Variants in UBE2D2 observed in about 807,000 individuals in gnomAD.
UBE2D2 encodes ubiquitin conjugating enzyme E2 D2.
In UBE2D2, 2 loss-of-function variants were observed where a neutral mutation model predicts 24.2. The ratio of observed to expected loss-of-function variants is 0.08; its 90% CI spans 0.03 to 0.26. The LOEUF (loss-of-function observed/expected upper bound fraction) is 0.26, where lower values mean the gene tolerates loss of function less well. Among genes scored for constraint, UBE2D2 ranks in the 10% least tolerant of loss-of-function variants. The pLI is 1.00. For synonymous variants in UBE2D2, 58 were observed against 56.5 expected, an observed-to-expected ratio of 1.03 and a Z score of -0.12; for missense variants, 44 against 177.6, an observed-to-expected ratio of 0.25 and a Z score of 4.28.
intron 1 of UBE2D2, among the ~76,000 whole-genome samples, chr5:139,563,540 C>G (rs535083077): frequency 3.2e-4 from 49 of 152,290 alleles, no homozygotes; most frequent in Admixed American, 2.0e-3. Flanking sequence ...CTTATAGAAT[C>G]TAACTGGGAA....
chr5:139,608,491 A>G (rs1003157208), intron 2 of UBE2D2, among the ~76,000 whole-genome samples: 8 of 151,970 alleles, frequency 5.3e-5, no homozygotes, highest in Non-Finnish European at 8.8e-5. Flanking sequence ...CTGGTGGCTC[A>G]TGCCTATATT....
At chr5:139,531,994 T>C (rs183955303) in intron 1 of UBE2D2, among the ~76,000 whole-genome samples, 59 of 151,940 alleles carry the variant, frequency 3.9e-4, no homozygotes, top group Non-Finnish European at 7.4e-4. Context: ...TTGTGTTTTT[T>C]TTTTAATTAT....
chr5:139,573,073 G>A (rs1018557050), intron 1 of UBE2D2, among the ~76,000 whole-genome samples: 32 of 151,962 alleles, frequency 2.1e-4, no homozygotes, highest in African/African-American at 7.2e-4. Flanking sequence ...AGGCCGAGAC[G>A]GGCAGATCAT....
At position 139,561,701 on chromosome 5, in the gene UBE2D2, C is replaced by T; in HGVS notation, c.-91C>T. 2.9e-6 allele frequency: 3 copies of T among 1,046,926 alleles called. No homozygotes were observed. The highest frequency in any genetic ancestry group is 4.0e-6 in the Non-Finnish European group (3 of 759,062). 64.9% of individuals were successfully genotyped at this position (1,046,926 alleles called of 1,614,324 possible). ...TCCATCTTCTCCTGCCGACCGAGATCGCCGAGGCGGCCTCAGGCTCCCTAG... is the reference window on the plus strand; with the variant it reads ...TCCATCTTCTCCTGCCGACCGAGATTGCCGAGGCGGCCTCAGGCTCCCTAG... On this transcript the variant is annotated 5_prime_UTR_variant, in exon 1 of 7. Transcript: ENST00000398733.
At chr5:139,596,245 C>T (rs781289207) in intron 1 of UBE2D2, among the ~76,000 whole-genome samples, 17 of 151,186 alleles carry the variant, frequency 1.1e-4, no homozygotes, top group African/African-American at 4.1e-4. Context: ...TGGATAGTTA[C>T]GTGCTTTTTC....
chr5:139,615,829 A>ATTTTT (rs200247238), intron 5 of UBE2D2, among the ~76,000 whole-genome samples: 55 of 95,394 alleles, frequency 5.8e-4, no homozygotes, highest in South Asian at 9.6e-4. Flanking sequence ...AATAATCTAG[A>ATTTTT]TTTTTTTTTT....
intron 1 of UBE2D2, among the ~76,000 whole-genome samples, chr5:139,531,526 G>C (rs1198602655): frequency 6.6e-6 from 1 of 151,522 alleles, no homozygotes; most frequent in Non-Finnish European, 1.5e-5. Flanking sequence ...TCTACAACTC[G>C]GTGTCTGAGA....
intron 1 of UBE2D2, among the ~76,000 whole-genome samples, chr5:139,595,780 C>G (rs141215083): frequency 0.014 from 2,171 of 151,588 alleles, 26 homozygotes; most frequent in Non-Finnish European, 0.023. Context: ...TTATAAAATT[C>G]AAAATGTGTA....
chr5:139,614,975 G>C lies in UBE2D2; in HGVS notation c.304+9G>C, dbSNP rs1350245746. On this transcript the variant is annotated intron_variant, in intron 5 of 6. Transcript: ENST00000398733. ...ACTAACTATTTCAAAAGGTAACAGT[G>C]GGTATTTGATATCAAGATAAAGCAA... 1.2e-6 allele frequency: 2 copies of C among 1,600,750 alleles called. No homozygotes were observed. Among genetic ancestry groups the C allele is most frequent in the Admixed American group, 1.7e-5 (1 of 58,066 alleles).
chr5:139,594,067 C>G (rs1047210524), intron 1 of UBE2D2, among the ~76,000 whole-genome samples: 1 of 152,234 alleles, frequency 6.6e-6, no homozygotes, highest in Non-Finnish European at 1.5e-5. Flanking sequence ...TATAACCTCT[C>G]TCAGTTTCCC....
rs150881844 is a variant in UBE2D2, at chr5:139,576,719, G to A, written c.24+14904G>A. Reference sequence around the variant, plus strand: ...ATGATACTTGATTAAATGCCATCTCGGGTGCTTTCATTGTCAACAAAGGTG... The same window carrying A: ...ATGATACTTGATTAAATGCCATCTCAGGTGCTTTCATTGTCAACAAAGGTG... On this transcript the variant is annotated intron_variant, in intron 1 of 6. Transcript: ENST00000398733. Among the ~76,000 whole-genome samples the A allele has an allele frequency of 7.9e-4, 120 of 152,012 alleles. 2 individuals are homozygous for A. The East Asian group carries it at 0.021, about 26-fold the overall frequency.
At chr5:139,546,608 G>A (rs1435734553) in intron 1 of UBE2D2, among the ~76,000 whole-genome samples, 1 of 151,850 alleles carries the variant, frequency 6.6e-6, no homozygotes, top group African/African-American at 2.4e-5. Context: ...TCAGCCCCAT[G>A]TGTAGCTGGG....
intron 2 of UBE2D2, among the ~76,000 whole-genome samples, chr5:139,600,782 A>C (rs964061948): frequency 3.9e-5 from 6 of 152,118 alleles, no homozygotes; most frequent in African/African-American, 1.2e-4. Flanking sequence ...CTACTGACTC[A>C]TACTTGCGAA....
Position 139,562,488 on chromosome 5 carries a change from C to T in UBE2D2, c.24+673C>T, listed in dbSNP as rs541080945. On this transcript the variant is annotated intron_variant, in intron 1 of 6. Transcript: ENST00000398733. The stretch of plus-strand genomic sequence containing the variant: ...TGCTGTATGTAGTTAGAAACTAACA[C>T]TTCCGTTTTGCAGGATTGGATCTAA... 5 of 1,242,918 alleles carry T rather than the reference C, an allele frequency of 4.0e-6. No individual in the cohort carries two copies. In the South Asian group the frequency reaches 5.2e-5, roughly 13 times the overall value. The allele number at this position is 1,242,918 out of a possible 1,614,324, so 77.0% of individuals were successfully genotyped here. A position where few individuals can be genotyped will look rare whatever the true frequency, so the allele number is the denominator to read the frequency against.
intron 1 of UBE2D2, among the ~76,000 whole-genome samples, chr5:139,589,475 G>A (rs977984613): frequency 6.6e-6 from 1 of 152,084 alleles, no homozygotes; most frequent in African/African-American, 2.4e-5. Flanking sequence ...TGGGAGAATT[G>A]CTTAAACCTG....
At chr5:139,605,591 C>CAAAAAAAAAA (rs70988710) in intron 2 of UBE2D2, among the ~76,000 whole-genome samples, 19 of 44,668 alleles carry the variant, frequency 4.3e-4, no homozygotes, top group South Asian at 9.7e-4. Flanking sequence ...GACTCTGTCT[C>CAAAAAAAAAA]AAAAAAAAAA....
At chr5:139,559,884 C>T (rs889298997), upstream of UBE2D2, among the ~76,000 whole-genome samples, 2 of 152,122 alleles carry the variant, frequency 1.3e-5, no homozygotes, top group African/African-American at 2.4e-5. Context: ...GGCTTGGCTC[C>T]GTATCTCACA....
chr5:139,575,216 GAAC>G, intron 1 of UBE2D2, among the ~76,000 whole-genome samples: 1 of 152,262 alleles, frequency 6.6e-6, no homozygotes, highest in East Asian at 1.9e-4. Flanking sequence ...CCTTTGCAGT[GAAC>G]AACATGTTGG....
intron 1 of UBE2D2, among the ~76,000 whole-genome samples, chr5:139,566,306 A>G (rs1177126707): frequency 1.3e-5 from 2 of 151,990 alleles, no homozygotes. Context: ...GGTGTAAGCC[A>G]CTGTGCCCGG....
Sources: allele counts gnomAD v4.1 joint callset (sites outside exome capture counted in the v4.1 genomes callset), GRCh38; gene constraint gnomAD v4.1.1; transcripts MANE v1.5; gene names NCBI Gene and HGNC (gene_info 2026-07-23, HGNC 2026-07-21).